MYO5B: variants seen among roughly 807,000 people sequenced by gnomAD.
The protein encoded by MYO5B is myosin VB.
MYO5B carries 143 observed loss-of-function variants against 229.3 expected under a neutral mutation model. The ratio of observed to expected loss-of-function variants is 0.62; its 90% CI spans 0.54 to 0.72. The LOEUF (loss-of-function observed/expected upper bound fraction) is 0.72. Among genes scored for constraint, MYO5B ranks in the 30% least tolerant of loss-of-function variants. The pLI, the probability that MYO5B is intolerant of heterozygous loss-of-function variation, is 0.00. For missense variants in MYO5B, 2,321 were observed against 2,331.0 expected, an observed-to-expected ratio of 1.00 and a Z score of 0.09; for synonymous variants, 918 against 885.2, an observed-to-expected ratio of 1.04 and a Z score of -0.66.
chr18:49,832,161 T>C (rs1366724514), intron 39 of MYO5B, among the ~76,000 whole-genome samples: 1 of 152,202 alleles, frequency 6.6e-6, no homozygotes. Flanking sequence ...ATATACTTAA[T>C]GCCACGGAAC....
rs530365370 is a variant in MYO5B at position 50,076,717 on chromosome 18, C to T, written c.28-21339G>A. ...ACTTCCACACCTGGTCCACTGCCCC[C>T]GCTGCCTTCCTGCTCCTTCTGGAAA... On this transcript the variant is annotated intron_variant, in intron 1 of 39. Transcript: ENST00000285039. Among the ~76,000 whole-genome samples, 8 of 152,286 alleles carry T rather than the reference C, an allele frequency of 5.3e-5. No homozygotes were observed. The South Asian group carries it at 1.7e-3, about 32-fold the overall frequency.
chr18:50,046,172 C>G (rs980332949), intron 2 of MYO5B, among the ~76,000 whole-genome samples: 12 of 152,112 alleles, frequency 7.9e-5, no homozygotes, highest in African/African-American at 2.9e-4. Flanking sequence ...GAAATCGCAC[C>G]GAATAGGAGT....
At chr18:50,128,178 A>T (rs1439909713) in intron 1 of MYO5B, among the ~76,000 whole-genome samples, 1 of 152,234 alleles carries the variant, frequency 6.6e-6, no homozygotes, top group Non-Finnish European at 1.5e-5. Flanking sequence ...TCTCTAGAGA[A>T]TCCTAATACA....
chr18:49,955,765 C>T (rs1431674201), intron 12 of MYO5B, among the ~76,000 whole-genome samples: 1 of 152,212 alleles, frequency 6.6e-6, no homozygotes. Flanking sequence ...TAATTCAGCA[C>T]TTTCCATATA....
intron 4 of MYO5B, among the ~76,000 whole-genome samples, chr18:50,004,443 C>T (rs1435418719): frequency 6.6e-6 from 1 of 152,186 alleles, no homozygotes; most frequent in Non-Finnish European, 1.5e-5. Flanking sequence ...CCTAACTTCA[C>T]GGATGTTAGA....
intron 8 of MYO5B, among the ~76,000 whole-genome samples, chr18:49,982,641 T>C (rs59783891): frequency 2.0e-5 from 3 of 152,192 alleles, no homozygotes; most frequent in African/African-American, 7.2e-5. Flanking sequence ...CCTGTTTTCA[T>C]AACTAAGTTC....
chr18:50,139,344 T>C (rs1462170063), intron 1 of MYO5B, among the ~76,000 whole-genome samples: 3 of 152,226 alleles, frequency 2.0e-5, no homozygotes, highest in African/African-American at 4.8e-5. Flanking sequence ...GTCTGGACCC[T>C]AGCAGATCAC....
intron 1 of MYO5B, among the ~76,000 whole-genome samples, chr18:50,077,602 T>C (rs1021113591): frequency 7.9e-5 from 12 of 151,972 alleles, no homozygotes; most frequent in Non-Finnish European, 1.6e-4. Flanking sequence ...TCATCTCCTA[T>C]AGATTCATAA....
rs71169486 is a variant in MYO5B, at chr18:50,183,306, C to CATATATATATATATATATATATAT, written c.27+11437_27+11460dup. Among the ~76,000 whole-genome samples the CATATATATATATATATATATATAT allele has an allele frequency of 2.5e-4, 28 of 110,028 alleles. 1 individual carries two copies. Among genetic ancestry groups the CATATATATATATATATATATATAT allele is most frequent in the South Asian group, 7.3e-4 (2 of 2,728 alleles). The allele number at this position is 110,028 out of a possible 152,430, so 72.2% of individuals were successfully genotyped here. On this transcript the variant is annotated intron_variant, in intron 1 of 39. Transcript: ENST00000285039. ...TTCCCTGGTGTTTCCTCAATTTTAT[C>CATATATATATATATATATATATAT]ATATATATATATATATATATATATA...
At position 50,127,050 on chromosome 18, in the gene MYO5B, T is replaced by C. The variant is rs544225813; in HGVS notation, c.27+67717A>G. On this transcript the variant is annotated intron_variant, in intron 1 of 39. Transcript: ENST00000285039. Reference sequence around the variant, plus strand: ...TAATCATTATTACCTTATTCCAACCTCATAAGACCCAAGAGGCAGGTGGGG... The same window carrying C: ...TAATCATTATTACCTTATTCCAACCCCATAAGACCCAAGAGGCAGGTGGGG... Among the ~76,000 whole-genome samples, 33 of 152,292 alleles carry C rather than the reference T, an allele frequency of 2.2e-4. 1 individual carries two copies. The South Asian group carries it at 6.8e-3, about 32-fold the overall frequency.
intron 14 of MYO5B, among the ~76,000 whole-genome samples, chr18:49,946,987 G>C (rs375510151): frequency 6.8e-6 from 1 of 146,872 alleles, no homozygotes; most frequent in Non-Finnish European, 1.5e-5. Context: ...TACAAATTAT[G>C]GTTCCATCCA....
intron 1 of MYO5B, among the ~76,000 whole-genome samples, chr18:50,137,325 G>A (rs1489042829): frequency 6.6e-6 from 1 of 152,084 alleles, no homozygotes; most frequent in Non-Finnish European, 1.5e-5. Flanking sequence ...ACTGTGTAAG[G>A]CCCCAAGAAA....
intron 1 of MYO5B, among the ~76,000 whole-genome samples, chr18:50,143,528 G>C (rs2032450307): frequency 6.6e-6 from 1 of 152,170 alleles, no homozygotes; most frequent in South Asian, 2.1e-4. Flanking sequence ...TAGAGCGGTT[G>C]ATCTGTATGG....
intron 9 of MYO5B, among the ~76,000 whole-genome samples, chr18:49,978,206 C>T (rs911549467): frequency 1.3e-5 from 2 of 152,152 alleles, no homozygotes; most frequent in African/African-American, 4.8e-5. Context: ...CCATGCCTCC[C>T]TAAGAGGCCC....
intron 1 of MYO5B, among the ~76,000 whole-genome samples, chr18:50,189,089 A>G (rs1454208763): frequency 6.6e-6 from 1 of 152,166 alleles, no homozygotes; most frequent in Non-Finnish European, 1.5e-5. Flanking sequence ...ACAGCATGAC[A>G]CACAACCTCC....
intron 1 of MYO5B, among the ~76,000 whole-genome samples, chr18:50,058,956 C>T (rs2030619939): frequency 6.6e-6 from 1 of 152,206 alleles, no homozygotes; most frequent in Non-Finnish European, 1.5e-5. Flanking sequence ...CTTCCAGCAC[C>T]ATCTCCTCAC....
chr18:50,183,315 ATATATATATATAT>A (rs1363649925), intron 1 of MYO5B, among the ~76,000 whole-genome samples: 9 of 42,768 alleles, frequency 2.1e-4, no homozygotes, highest in Admixed American at 7.6e-4. Flanking sequence ...TCATATATAT[ATATATATATATAT>A]ATATATATAT....
chr18:49,873,283 G>T (rs2024477302), intron 26 of MYO5B, among the ~76,000 whole-genome samples: 1 of 152,222 alleles, frequency 6.6e-6, no homozygotes, highest in South Asian at 2.1e-4. Context: ...CAAGTAGTGG[G>T]TGTTAGTCCC....
At chr18:49,830,292 A>G (rs180931993) in intron 39 of MYO5B, among the ~76,000 whole-genome samples, 15 of 152,322 alleles carry the variant, frequency 9.8e-5, no homozygotes, top group African/African-American at 3.4e-4. Flanking sequence ...CATTTACAAT[A>G]ACATCAAAAA....
Sources: allele counts gnomAD v4.1 joint callset (sites outside exome capture counted in the v4.1 genomes callset), GRCh38; gene constraint gnomAD v4.1.1; transcripts MANE v1.5; gene names NCBI Gene and HGNC (gene_info 2026-07-23, HGNC 2026-07-21).